The following SLC6A16 variants were observed in gnomAD, a reference collection of about 807,000 sequenced individuals.
SLC6A16 encodes solute carrier family 6 member 16, also known as orphan sodium- and chloride-dependent neurotransmitter transporter NTT5.
A neutral mutation model predicts 65.4 loss-of-function variants in SLC6A16; 54 were observed. The ratio of observed to expected loss-of-function variants is 0.83; its 90% CI spans 0.66 to 1.04. The LOEUF is 1.04. Among genes scored for constraint, SLC6A16 ranks in the 50% least tolerant of loss-of-function variants. The pLI, the probability that SLC6A16 is intolerant of heterozygous loss-of-function variation, is 0.00. For missense variants in SLC6A16, 816 were observed against 914.0 expected (o/e 0.89, Z 1.38); for synonymous variants, 330 against 346.5 (o/e 0.95, Z 0.53).
At chr19:49,335,567 C>A in the SLC6A16 span, 1 of 1,614,034 alleles carries the variant, frequency 6.2e-7, no homozygotes. The surrounding 1 kb of genome is among the most constrained non-coding windows in gnomAD (Gnocchi z 4.6). Flanking sequence ...GCTGCCTCAG[C>A]CTCATCAAGT....
the SLC6A16 span, chr19:49,332,241 TCTC>T: frequency 1.8e-5 from 8 of 456,582 alleles, no homozygotes; most frequent in Non-Finnish European, 2.6e-5. Flanking sequence ...TTCTGTGTCT[TCTC>T]CTCTGTGTGT....
At chr19:49,307,390 G>A (rs1022521391) in intron 7 of SLC6A16, among the ~76,000 whole-genome samples, 1 of 151,056 alleles carries the variant, frequency 6.6e-6, no homozygotes, top group African/African-American at 2.4e-5. Flanking sequence ...TTGAAAACCA[G>A]ACAATATATG....
chr19:49,330,070 A>G (rs1195278097), upstream of SLC6A16, among the ~76,000 whole-genome samples: 1 of 151,388 alleles, frequency 6.6e-6, no homozygotes, highest in Non-Finnish European at 1.5e-5. Context: ...ATGAGTCATG[A>G]TCGTGCCAGT....
chr19:49,328,756 AC>A (rs560308643), upstream of SLC6A16, among the ~76,000 whole-genome samples: 1 of 152,328 alleles, frequency 6.6e-6, no homozygotes, highest in South Asian at 2.1e-4. Flanking sequence ...ATGGTGGGGA[AC>A]TTCAGGACTA....
chr19:49,309,194 A>T, intron 6 of SLC6A16, 77 bp from the exon 7 acceptor site: 1 of 1,596,852 alleles, frequency 6.3e-7, no homozygotes, highest in Non-Finnish European at 8.6e-7. Flanking sequence ...TGTTGCAGGG[A>T]GGAGAGAGGG....
At chr19:49,305,459 G>A (rs921516901) in intron 7 of SLC6A16, among the ~76,000 whole-genome samples, 1 of 152,114 alleles carries the variant, frequency 6.6e-6, no homozygotes, top group Non-Finnish European at 1.5e-5. Flanking sequence ...GGGTGTGGTG[G>A]TGGGTGCCTG....
intron 7 of SLC6A16, among the ~76,000 whole-genome samples, chr19:49,297,839 A>G (rs752671563): frequency 6.6e-6 from 1 of 152,208 alleles, no homozygotes; most frequent in Non-Finnish European, 1.5e-5. Flanking sequence ...AGATATAAGA[A>G]TGCATATAGT....
chr19:49,339,703 C>A, the SLC6A16 span: 1 of 1,405,932 alleles, frequency 7.1e-7, no homozygotes, highest in South Asian at 1.7e-5. The surrounding 1 kb of genome is among the most constrained non-coding windows in gnomAD (Gnocchi z 4.5). Flanking sequence ...CAGGGCACTC[C>A]GCCGGAAATG....
the SLC6A16 span, chr19:49,336,806 G>T: frequency 1.6e-6 from 2 of 1,233,938 alleles, no homozygotes; most frequent in Non-Finnish European, 2.3e-6. Context: ...AGAGAGAGGG[G>T]CACCAAGATA....
Position 49,311,224 on chromosome 19 carries a change from C to T in SLC6A16, c.124G>A (p.Ala42Thr), listed in dbSNP as rs746119231. The change falls in exon 2 of 12, where the codon GCA (alanine) becomes ACA (threonine). Residue 42 changes from alanine to threonine, a missense_variant. Ala to Thr is a moderately conservative substitution (Grantham distance 58). Transcript: ENST00000335875. ...TGGGCCTCTGAGGTCCAAGATGTTG[C>T]AGACCGGGTCAATGAACCCTTGTCT... ...WEDKGSLTRS[A>T]TSWTSEAQVS... The T allele has an allele frequency of 2.5e-6, 4 of 1,614,138 alleles. No homozygotes were observed. Among genetic ancestry groups the T allele is most frequent in the Non-Finnish European group, 2.5e-6 (3 of 1,180,002 alleles).
chr19:49,317,835 A>G (rs1305123152), intron 1 of SLC6A16, among the ~76,000 whole-genome samples: 1 of 152,176 alleles, frequency 6.6e-6, no homozygotes, highest in Admixed American at 6.5e-5. Context: ...AATAATTAAA[A>G]CAACTATTTT....
rs1470008586 is a variant in SLC6A16 at position 49,292,564 on chromosome 19, A to C, written c.1778+659T>G. Among the ~76,000 whole-genome samples, 1 of 152,130 alleles carries C rather than the reference A, an allele frequency of 6.6e-6. No individual in the cohort carries two copies. Among genetic ancestry groups the C allele is most frequent in the Non-Finnish European group, 1.5e-5 (1 of 68,026 alleles). Reference sequence around the variant, plus strand: ...TGCTTCATCTGCCATTCTGCATACAAAGCTGAGTCCTATCGTGGCTTACAA... The same window carrying C: ...TGCTTCATCTGCCATTCTGCATACACAGCTGAGTCCTATCGTGGCTTACAA... On this transcript the variant is annotated intron_variant, in intron 10 of 11. Coordinates refer to ENST00000335875, the MANE Select transcript of SLC6A16 (RefSeq NM_014037.3). The surrounding 1 kb of genome is among the most constrained non-coding windows in gnomAD (Gnocchi z 4.3).
chr19:49,337,263 G>C, the SLC6A16 span: 8 of 1,574,960 alleles, frequency 5.1e-6, no homozygotes, highest in Admixed American at 1.3e-4. Flanking sequence ...CCAGCAGGGA[G>C]GAGAGGGAAG....
chr19:49,340,156 C>T, the SLC6A16 span: 22 of 1,438,632 alleles, frequency 1.5e-5, no homozygotes, highest in Non-Finnish European at 2.1e-5. Flanking sequence ...GCCCAATTCA[C>T]GGCCCCACCC....
At chr19:49,329,640 T>C (rs2146194770), upstream of SLC6A16, among the ~76,000 whole-genome samples, 1 of 142,542 alleles carries the variant, frequency 7.0e-6, no homozygotes, top group Admixed American at 7.0e-5. Flanking sequence ...TTTTTTTTTT[T>C]TTTTTTTGAG....
intron 1 of SLC6A16, 104 bp downstream of exon 1, chr19:49,324,944 A>G: frequency 1.5e-6 from 1 of 681,696 alleles, no homozygotes; most frequent in South Asian, 6.6e-5. Context: ...GTCACCTGTC[A>G]CCCGTCAGTG....
In SLC6A16 at chr19:49,305,380, T is replaced by C. The variant is rs1472810523; in HGVS notation, c.1229+3496A>G. On this transcript the variant is annotated intron_variant, in intron 7 of 11. Transcript: ENST00000335875. ...GCCAAGGTGGGTGGATCACTTGAGGTCAGGAGTTTGAAACCATCCTGGTGA... is the reference window on the plus strand; with the variant it reads ...GCCAAGGTGGGTGGATCACTTGAGGCCAGGAGTTTGAAACCATCCTGGTGA... Among the ~76,000 whole-genome samples the C allele has an allele frequency of 2.6e-5, 4 of 151,960 alleles. No homozygotes were observed. In the East Asian group the frequency reaches 5.8e-4, roughly 22 times the overall value.
intron 7 of SLC6A16, among the ~76,000 whole-genome samples, chr19:49,296,083 A>G (rs1004985747): frequency 6.6e-5 from 10 of 151,980 alleles, no homozygotes; most frequent in African/African-American, 2.2e-4. Context: ...TCCGCCTCCC[A>G]GGTTCGAGCG....
At position 49,293,904 on chromosome 19, in the gene SLC6A16, A is replaced by G. The variant is rs1970130166; in HGVS notation, c.1541T>C (p.Ile514Thr). The stretch of plus-strand genomic sequence containing the variant: ...AGTAATGATGCCCTGCATAATCCCT[A>G]TTGCGCTGCTCAGCCCCATGGCCAG... ...MLLAMGLSSA[I>T]GIMQGIITPL... The change falls in exon 9 of 12, where the codon ATA becomes ACA. Residue 514 changes from isoleucine to threonine, a missense_variant. Transcript: ENST00000335875. 2.5e-6 allele frequency: 4 copies of G among 1,614,058 alleles called. No homozygotes were observed. The highest frequency in any genetic ancestry group is 3.4e-6 in the Non-Finnish European group (4 of 1,180,032).
Sources: gnomAD v4.1 joint callset for allele counts (sites outside exome capture counted in the v4.1 genomes callset) on GRCh38, gnomAD v4.1.1 for gene constraint, Gnocchi (gnomAD v3.1) non-coding constraint, MANE v1.5 for transcripts, NCBI Gene and HGNC (gene_info 2026-07-23, HGNC 2026-07-21) for gene names.